BRCA2: variants seen among roughly 807,000 people sequenced by gnomAD.
BRCA2 encodes the protein BRCA2 DNA repair associated, also known as breast cancer type 2 susceptibility protein.
In BRCA2, 203 loss-of-function variants were observed where a neutral mutation model predicts 276.7. The ratio of observed to expected loss-of-function variants is 0.73; its 90% confidence interval spans 0.65 to 0.82. The LOEUF (loss-of-function observed/expected upper bound fraction) is 0.82. Among genes scored for constraint, BRCA2 ranks in the 40% least tolerant of loss-of-function variants. The pLI, the probability that BRCA2 is intolerant of heterozygous loss-of-function variation, is 0.00. For synonymous variants in BRCA2, 1,289 were observed against 1,338.4 expected (o/e 0.96, Z 0.81); for missense variants, 3,920 against 3,915.0 (o/e 1.00, Z -0.03).
At chr13:32,388,667 T>TTTC (rs1223261048) in intron 24 of BRCA2, among the ~76,000 whole-genome samples, 1 of 8,364 alleles carries the variant, frequency 1.2e-4, no homozygotes, top group East Asian at 1.3e-3. Flanking sequence ...ATGCATTTTC[T>TTTC]TTTTTTTTTT....
rs587781402 is a variant in BRCA2 at position 32,326,581 on chromosome 13, C to T, written c.599C>T (p.Thr200Ile). 5.0e-6 allele frequency: 8 copies of T among 1,611,452 alleles called. No homozygotes were observed. In the Admixed American group the frequency reaches 5.0e-5, roughly 10 times the overall value. Residue 200 changes from threonine to isoleucine, a missense_variant, in exon 7 of 27, where the codon ACA becomes ATA. Transcript: ENST00000380152. ...PDMSWSSSLA[T>I]PPTLSSTVLI... is the part of the protein sequence containing the mutation. ...ATGTCTTGGTCAAGTTCTTTAGCTACACCACCCACCCTTAGTTCTACTGTG... is the reference window on the plus strand; with the variant it reads ...ATGTCTTGGTCAAGTTCTTTAGCTATACCACCCACCCTTAGTTCTACTGTG...
Position 32,338,113 on chromosome 13 carries a change from C to G in BRCA2, c.3758C>G (p.Ala1253Gly), listed in dbSNP as rs730881527. ...GAGAATATTAGTGAGGAAACTTCTGCAGAGGTACATCCAATAAGTTTATCT... is the reference window on the plus strand; with the variant it reads ...GAGAATATTAGTGAGGAAACTTCTGGAGAGGTACATCCAATAAGTTTATCT... Reference protein sequence around the residue: ...DIENISEETSAEVHPISLSSS... With the variant: ...DIENISEETSGEVHPISLSSS... The change falls in exon 11 of 27, where the codon GCA becomes GGA. Residue 1253 changes from alanine (A) to glycine (G), a missense_variant. Physicochemically the swap from Ala to Gly is moderately conservative, Grantham distance 60 (BLOSUM62 0). This residue lies in a region of BRCA2 where 3,263 missense variants were observed against 3,156.9 expected (regional missense o/e 1.03). Transcript: ENST00000380152. The G allele has an allele frequency of 6.2e-7, 1 of 1,609,412 alleles. No individual in the cohort carries two copies. Among genetic ancestry groups the G allele is most frequent in the Non-Finnish European group, 8.5e-7 (1 of 1,178,074 alleles).
At chr13:32,360,295 T>TA (rs749217627) in intron 16 of BRCA2, among the ~76,000 whole-genome samples, 53 of 152,328 alleles carry the variant, frequency 3.5e-4, no homozygotes, top group Middle Eastern at 6.8e-3. Flanking sequence ...TAGACCTTCG[T>TA]AAGACCCTTA....
intron 20 of BRCA2, among the ~76,000 whole-genome samples, chr13:32,371,910 T>C (rs2072837402): frequency 6.6e-6 from 1 of 152,238 alleles, no homozygotes; most frequent in South Asian, 2.1e-4. Flanking sequence ...TAATACACTT[T>C]ATTGCTAAAA....
At chr13:32,344,166 G>GAA (rs34225677) in intron 11 of BRCA2, among the ~76,000 whole-genome samples, 3 of 137,506 alleles carry the variant, frequency 2.2e-5, no homozygotes, top group Non-Finnish European at 3.1e-5. Context: ...CCCCCGTGCT[G>GAA]AAAAAAAAAA....
Position 32,338,699 on chromosome 13 carries a change from T to C in BRCA2, c.4344T>C (p.Asn1448=). The C allele has an allele frequency of 6.3e-7, 1 of 1,592,058 alleles. No individual in the cohort carries two copies. Among genetic ancestry groups the C allele is most frequent in the Non-Finnish European group, 8.6e-7 (1 of 1,167,040 alleles). ...VAKESFNKIV[N]FFDQKPEELH... ...AAGAGTCATTTAATAAAATTGTAAA[T>C]TTCTTTGATCAGAAACCAGAAGAAT... The change falls in exon 11 of 27, where the codon AAT becomes AAC. Residue 1448 remains asparagine (N), a synonymous_variant. Transcript: ENST00000380152.
chr13:32,376,278 T>C (rs1351887045), intron 20 of BRCA2, among the ~76,000 whole-genome samples: 2 of 151,976 alleles, frequency 1.3e-5, no homozygotes, highest in African/African-American at 4.8e-5. Flanking sequence ...ATCCCAACAG[T>C]TTGGGAGTCC....
intron 26 of BRCA2, among the ~76,000 whole-genome samples, 155 bp from the exon 27 acceptor site, chr13:32,398,007 A>C (rs1393313964): frequency 6.6e-6 from 1 of 152,196 alleles, no homozygotes; most frequent in Non-Finnish European, 1.5e-5. Context: ...AATAGGAATA[A>C]TGTGAACTGA....
At position 32,316,485 on chromosome 13, in the gene BRCA2, C is replaced by T. The variant is rs1593880685; in HGVS notation, c.25C>T (p.Pro9Ser). ...AATGCCTATTGGATCCAAAGAGAGG[C>T]CAACATTTTTTGAAATTTTTAAGAC... The part of the protein sequence containing the change: MPIGSKER[P>S]TFFEIFKTRC... Residue 9 changes from proline (P) to serine (S), a missense_variant, in exon 2 of 27, where the codon CCA (proline) becomes TCA (serine). Physicochemically the swap from Pro to Ser is moderately conservative, Grantham distance 74. This residue lies in a region of BRCA2 where 3,263 missense variants were observed against 3,156.9 expected (regional missense o/e 1.03). Transcript: ENST00000380152. 6.2e-7 allele frequency: 1 copy of T among 1,613,850 alleles called. No homozygotes were observed. Among genetic ancestry groups the T allele is most frequent in the Non-Finnish European group, 8.5e-7 (1 of 1,179,920 alleles).
intron 20 of BRCA2, among the ~76,000 whole-genome samples, chr13:32,374,763 G>A (rs2072859302): frequency 6.6e-6 from 1 of 152,112 alleles, no homozygotes; most frequent in East Asian, 1.9e-4. Flanking sequence ...ACATCTTCCT[G>A]TCTTCTTCTG....
rs397507270 is a variant in BRCA2 at position 32,332,991 on chromosome 13, A to G, written c.1513A>G (p.Ile505Val). ...ASSFQGIKKS[I>V]FRIRESPKET... ...TTCATTTCAGGGTATCAAAAAGTCT[A>G]TATTCAGAATAAGAGAATCACCTAA... The change falls in exon 10 of 27, where the codon ATA becomes GTA. Residue 505 changes from isoleucine (I) to valine (V), a missense_variant. Physicochemically the swap from Ile to Val is conservative, Grantham distance 29. Coordinates refer to ENST00000380152, the MANE Select transcript of BRCA2 (RefSeq NM_000059.4). 40 of 1,593,778 alleles carry G rather than the reference A, an allele frequency of 2.5e-5. No homozygotes were observed. Among genetic ancestry groups the G allele is most frequent in the Non-Finnish European group, 3.2e-5 (38 of 1,174,942 alleles).
chr13:32,321,240 G>T (rs206123), intron 3 of BRCA2, among the ~76,000 whole-genome samples: 1 of 152,226 alleles, frequency 6.6e-6, no homozygotes, highest in Non-Finnish European at 1.5e-5. Context: ...CAAATACTTA[G>T]TGCTTACTTG....
At chr13:32,347,916 ATAAC>A (rs1361895425) in intron 13 of BRCA2, among the ~76,000 whole-genome samples, 1 of 152,220 alleles carries the variant, frequency 6.6e-6, no homozygotes, top group African/African-American at 2.4e-5. Flanking sequence ...ATAGTCAAAG[ATAAC>A]TAGTCATTGG....
rs397507391 is a variant in BRCA2, at chr13:32,357,824, A to T, written c.7700A>T (p.Tyr2567Phe). The T allele has an allele frequency of 1.2e-6, 2 of 1,613,926 alleles. No homozygotes were observed. Among genetic ancestry groups the T allele is most frequent in the East Asian group, 4.5e-5 (2 of 44,856 alleles). The change falls in exon 16 of 27, where the codon TAT becomes TTT. Residue 2567 changes from tyrosine to phenylalanine, a missense_variant. Coordinates refer to ENST00000380152, the MANE Select transcript of BRCA2 (RefSeq NM_000059.4). Reference sequence around the variant, plus strand: ...TCTTTTCAGTTTCACACTGAAGATTATTTTGGTAAGGAAAGTTTATGGACT... The same window carrying T: ...TCTTTTCAGTTTCACACTGAAGATTTTTTTGGTAAGGAAAGTTTATGGACT... ...AESFQFHTED[Y>F]FGKESLWTGK... is the part of the protein sequence containing the mutation.
At chr13:32,392,898 T>C (rs1333955775) in intron 24 of BRCA2, among the ~76,000 whole-genome samples, 1 of 152,238 alleles carries the variant, frequency 6.6e-6, no homozygotes, top group Admixed American at 6.5e-5. Flanking sequence ...TAATACTTCC[T>C]GTCTTCTTTT....
At position 32,357,882 on chromosome 13, in the gene BRCA2, G is replaced by C. The variant is rs80359004; in HGVS notation, c.7758G>C (p.Trp2586Cys). 2 of 1,614,082 alleles carry C rather than the reference G, an allele frequency of 1.2e-6. No individual in the cohort carries two copies. The highest frequency in any genetic ancestry group is 4.5e-5 in the East Asian group (2 of 44,860). The change falls in exon 16 of 27, where the codon TGG becomes TGC. Residue 2586 changes from tryptophan to cysteine, a missense_variant. This residue lies in a region of BRCA2 where 3,263 missense variants were observed against 3,156.9 expected (regional missense o/e 1.03). Coordinates refer to ENST00000380152, the MANE Select transcript of BRCA2 (RefSeq NM_000059.4). ...GAATACAGTTGGCTGATGGTGGATG[G>C]CTCATACCCTCCAATGATGGAAAGG... is the stretch of plus-strand genomic sequence containing the variant. Reference protein sequence around the residue: ...GKGIQLADGGWLIPSNDGKAG... With the variant: ...GKGIQLADGGCLIPSNDGKAG...
intron 24 of BRCA2, among the ~76,000 whole-genome samples, chr13:32,390,275 A>T (rs2072987939): frequency 6.6e-6 from 1 of 152,010 alleles, no homozygotes; most frequent in Non-Finnish European, 1.5e-5. Context: ...GCCTTAAACC[A>T]CCACCATACA....
rs56386506 is a variant in BRCA2, at chr13:32,338,925, T to C, written c.4570T>C (p.Phe1524Leu). The change falls in exon 11 of 27, where the codon TTT becomes CTT. Residue 1524 changes from phenylalanine (F) to leucine (L), a missense_variant. Transcript: ENST00000380152. ...EKIKEPTLLG[F>L]HTASGKKVKI... ...GATCAAAGAACCTACTCTATTGGGT[T>C]TTCATACAGCTAGCGGGAAAAAAGT... The C allele has an allele frequency of 6.2e-7, 1 of 1,613,902 alleles. No individual in the cohort carries two copies. The highest frequency in any genetic ancestry group is 8.5e-7 in the Non-Finnish European group (1 of 1,179,890).
At position 32,316,387 on chromosome 13, in the gene BRCA2, C is replaced by G. The variant is rs983123559; in HGVS notation, c.-39-35C>G. 3.1e-6 allele frequency: 4 copies of G among 1,282,924 alleles called. No individual in the cohort carries two copies. The Admixed American group carries it at 6.8e-5, about 22-fold the overall frequency. The allele number at this position is 1,282,924 out of a possible 1,614,324, so 79.5% of individuals were successfully genotyped here. A position where few individuals can be genotyped will look rare whatever the true frequency, so the allele number is the denominator to read the frequency against. On this transcript the variant is annotated intron_variant, in intron 1 of 26. Transcript: ENST00000380152. ...TCAGTCACATAATAAGGAATGCATC[C>G]CTGTGTAAGTGCATTTTGGTCTTCT...
Sources: allele counts gnomAD v4.1 joint callset (sites outside exome capture counted in the v4.1 genomes callset), GRCh38; gene constraint gnomAD v4.1.1; regional missense constraint gnomAD v4.1.1; transcripts MANE v1.5; gene names NCBI Gene and HGNC (gene_info 2026-07-23, HGNC 2026-07-21).